Variants in HTR1F observed in about 807,000 individuals in gnomAD.
HTR1F encodes 5-hydroxytryptamine receptor 1F, also known as 5-hydroxytryptamine (serotonin) receptor 1F, G protein-coupled.
HTR1F carries 17 observed loss-of-function variants against 24.0 expected under a neutral mutation model. The observed-to-expected ratio is 0.71, with a 90% CI of 0.48 to 1.06. HTR1F has a LOEUF of 1.06. Ranked by LOEUF, HTR1F falls within the 50% of genes least tolerant of loss-of-function variation. The pLI, the probability that HTR1F is intolerant of heterozygous loss-of-function variation, is 0.00. For missense variants in HTR1F, 391 were observed against 427.8 expected, an observed-to-expected ratio of 0.91 and a Z score of 0.76; for synonymous variants, 186 against 156.8, an observed-to-expected ratio of 1.19 and a Z score of -1.39.
chr3:87,907,009 T>A (rs1377506667), intron 2 of HTR1F, among the ~76,000 whole-genome samples: 1 of 152,074 alleles, frequency 6.6e-6, no homozygotes, highest in Non-Finnish European at 1.5e-5. Flanking sequence ...TGTGCAACTA[T>A]CTTTTTTTAT....
chr3:87,905,737 A>C lies in HTR1F; in HGVS notation c.-43+83613A>C, dbSNP rs1576011913. 7.1e-5 allele frequency among the ~76,000 whole-genome samples: 4 copies of C among 56,618 alleles called. No individual in the cohort carries two copies. In the African/African-American group the frequency reaches 1.0e-3, roughly 15 times the overall value. The allele number at this position is 56,618 out of a possible 152,430, so 37.1% of individuals were successfully genotyped here. A position where few individuals can be genotyped will look rare whatever the true frequency, so the allele number is the denominator to read the frequency against. ...CCTTCTCTAAATACTTTATTTAGCA[A>C]AAAAAAAAAAAATGGAAACTATCAT... On this transcript the variant is annotated intron_variant, in intron 2 of 2. Transcript: ENST00000319595.
chr3:87,973,732 C>A (rs1432074045), intron 2 of HTR1F, among the ~76,000 whole-genome samples: 1 of 152,126 alleles, frequency 6.6e-6, no homozygotes, highest in Non-Finnish European at 1.5e-5. Flanking sequence ...GATTCACTTG[C>A]CTTTGGACAC....
chr3:87,886,682 C>A (rs1027879712), intron 2 of HTR1F, among the ~76,000 whole-genome samples: 1 of 152,058 alleles, frequency 6.6e-6, no homozygotes, highest in Non-Finnish European at 1.5e-5. Flanking sequence ...CACAAGCATT[C>A]GTCTACACCA....
Position 87,925,020 on chromosome 3 carries a change from C to T in HTR1F, c.-42-65688C>T, listed in dbSNP as rs72913780. ...TCTTCTCCTTGGAACTCTTATAATGCGAATATGGTGATCCCTAAGTCCCAA... is the reference window on the plus strand; with the variant it reads ...TCTTCTCCTTGGAACTCTTATAATGTGAATATGGTGATCCCTAAGTCCCAA... On this transcript the variant is annotated intron_variant, in intron 2 of 2. Transcript: ENST00000319595. Among the ~76,000 whole-genome samples, 744 of 151,694 alleles carry T rather than the reference C, an allele frequency of 4.9e-3. 2 individuals carry two copies. Among genetic ancestry groups the T allele is most frequent in the African/African-American group, 0.016 (668 of 41,394 alleles).
At chr3:87,823,430 G>C (rs1181808498) in intron 2 of HTR1F, among the ~76,000 whole-genome samples, 1 of 151,850 alleles carries the variant, frequency 6.6e-6, no homozygotes, top group Admixed American at 6.6e-5. Context: ...AAGACCTCTA[G>C]ATGTTGGAAC....
At chr3:87,843,602 A>C (rs1308341039) in intron 2 of HTR1F, among the ~76,000 whole-genome samples, 1 of 150,688 alleles carries the variant, frequency 6.6e-6, no homozygotes, top group Admixed American at 6.6e-5. Flanking sequence ...ATATGTATAC[A>C]TGTGCCATGC....
intron 2 of HTR1F, among the ~76,000 whole-genome samples, chr3:87,823,115 T>G (rs1704391488): frequency 6.6e-6 from 1 of 152,198 alleles, no homozygotes; most frequent in Non-Finnish European, 1.5e-5. Context: ...AGAGACAGCA[T>G]GACATATATC....
chr3:87,829,635 C>T (rs1332527043), intron 2 of HTR1F, among the ~76,000 whole-genome samples: 1 of 152,220 alleles, frequency 6.6e-6, no homozygotes, highest in African/African-American at 2.4e-5. Flanking sequence ...CACTTGTGTT[C>T]CACTCACCAA....
intron 2 of HTR1F, among the ~76,000 whole-genome samples, chr3:87,835,692 G>A (rs755645957): frequency 7.2e-5 from 11 of 152,086 alleles, no homozygotes; most frequent in Non-Finnish European, 1.3e-4. Flanking sequence ...TGTCATTTCC[G>A]TATTTTTGAG....
intron 2 of HTR1F, among the ~76,000 whole-genome samples, chr3:87,843,561 G>C (rs1221205480): frequency 2.7e-5 from 4 of 149,152 alleles, no homozygotes; most frequent in Non-Finnish European, 4.4e-5. Flanking sequence ...TAAGTTTTAG[G>C]GTACATGTGC....
At chr3:87,800,711 G>A (rs1703977264) in intron 1 of HTR1F, among the ~76,000 whole-genome samples, 1 of 152,156 alleles carries the variant, frequency 6.6e-6, no homozygotes. Flanking sequence ...TGAGTTAAGA[G>A]CAACTGTAAA....
chr3:87,979,022 G>A (rs1165323636), intron 2 of HTR1F, among the ~76,000 whole-genome samples: 2 of 3,062 alleles, frequency 6.5e-4, no homozygotes, highest in South Asian at 0.04. Context: ...GAGGGAAGGA[G>A]GGAGGGAGGG....
At chr3:87,811,955 A>T (rs1704167699) in intron 1 of HTR1F, among the ~76,000 whole-genome samples, 2 of 152,138 alleles carry the variant, frequency 1.3e-5, no homozygotes, top group Non-Finnish European at 1.5e-5. Flanking sequence ...AGTATTTGAT[A>T]GTTCATCTTT....
At chr3:87,926,930 T>TA (rs56311338) in intron 2 of HTR1F, among the ~76,000 whole-genome samples, 17,218 of 152,088 alleles carry the variant, frequency 0.11, 1,209 homozygotes, top group Non-Finnish European at 0.16. Context: ...GTTAGTTAGT[T>TA]AAAATGGCCC....
intron 2 of HTR1F, among the ~76,000 whole-genome samples, chr3:87,972,279 T>C (rs1705301546): frequency 6.6e-6 from 1 of 152,248 alleles, no homozygotes; most frequent in East Asian, 1.9e-4. Context: ...AGTATGTTTG[T>C]GTTTTACAAT....
chr3:87,884,676 C>CA (rs150794442), intron 2 of HTR1F, among the ~76,000 whole-genome samples: 18,117 of 151,004 alleles, frequency 0.12, 1,372 homozygotes, highest in African/African-American at 0.21. Flanking sequence ...AAATGGAAAG[C>CA]AAAAAAAAGC....
intron 2 of HTR1F, among the ~76,000 whole-genome samples, chr3:87,880,498 T>C (rs556123126): frequency 9.2e-5 from 14 of 152,318 alleles, no homozygotes; most frequent in Admixed American, 8.5e-4. Context: ...TAAAGGATTG[T>C]TTTTAGAAAT....
At chr3:87,976,535 C>T (rs1044554656) in intron 2 of HTR1F, among the ~76,000 whole-genome samples, 1 of 152,238 alleles carries the variant, frequency 6.6e-6, no homozygotes, top group East Asian at 1.9e-4. Flanking sequence ...AATATCATCA[C>T]TAAAATTAAT....
Position 87,992,359 on chromosome 3 carries a change from G to A in HTR1F, c.*509G>A, listed in dbSNP as rs2107529600. 6.0e-6 allele frequency: 1 copy of A among 167,156 alleles called. No homozygotes were observed. The highest frequency in any genetic ancestry group is 1.5e-5 in the Non-Finnish European group (1 of 68,090). The allele number at this position is 167,156 out of a possible 1,614,324, so 10.4% of individuals were successfully genotyped here. A position where few individuals can be genotyped will look rare whatever the true frequency, so the allele number is the denominator to read the frequency against. On this transcript the variant is annotated 3_prime_UTR_variant, in exon 3 of 3. Coordinates refer to ENST00000319595, the MANE Select transcript of HTR1F (RefSeq NM_001322209.2). ...CCTGAGCAAAAGGGAGGGGGAAGGA[G>A]CAACTCTTACTTAGTGTGACTGCAG...
Sources: gnomAD v4.1 joint callset for allele counts (sites outside exome capture counted in the v4.1 genomes callset) on GRCh38, gnomAD v4.1.1 for gene constraint, MANE v1.5 for transcripts, NCBI Gene and HGNC (gene_info 2026-07-23, HGNC 2026-07-21) for gene names.